CSMD1: variants seen among roughly 807,000 people sequenced by gnomAD.
CSMD1 encodes CUB and Sushi multiple domains 1.
A neutral mutation model predicts 417.5 loss-of-function variants in CSMD1; 213 were observed. The observed-to-expected ratio is 0.51, with a 90% CI of 0.46 to 0.57. The LOEUF (loss-of-function observed/expected upper bound fraction) is 0.57. Ranked by LOEUF, CSMD1 falls within the 20% of genes least tolerant of loss-of-function variation. The probability of loss-of-function intolerance (pLI) is 0.00; values close to 1 mark genes in which losing one functional copy is unlikely to be tolerated. For missense variants in CSMD1, 6,923 were observed against 4,529.7 expected, an observed-to-expected ratio of 1.53 and a Z score of -15.17; for synonymous variants, 2,862 against 1,736.8, an observed-to-expected ratio of 1.65 and a Z score of -16.11.
chr8:2,994,145 C>CAAAAAAAAAAA (rs35438493), intron 54 of CSMD1, among the ~76,000 whole-genome samples: 13 of 30,518 alleles, frequency 4.3e-4, no homozygotes, highest in African/African-American at 2.9e-3. Context: ...AACTCCATCT[C>CAAAAAAAAAAA]AAAAAAAAAA....
intron 1 of CSMD1, among the ~76,000 whole-genome samples, chr8:4,647,875 A>G (rs1045464070): frequency 6.6e-6 from 1 of 152,220 alleles, no homozygotes; most frequent in Non-Finnish European, 1.5e-5. Flanking sequence ...TGCAGTAGAC[A>G]TACATGTGCA....
At chr8:4,620,878 A>G (rs778250582) in intron 2 of CSMD1, among the ~76,000 whole-genome samples, 1 of 151,928 alleles carries the variant, frequency 6.6e-6, no homozygotes, top group African/African-American at 2.4e-5. Context: ...AAGAGTGAAA[A>G]TAAGAGAAAA....
At chr8:4,605,004 G>T (rs980049966) in intron 2 of CSMD1, among the ~76,000 whole-genome samples, 1 of 152,134 alleles carries the variant, frequency 6.6e-6, no homozygotes. Context: ...GTGCTGTCCA[G>T]AACATTAAAG....
intron 1 of CSMD1, among the ~76,000 whole-genome samples, chr8:4,840,549 C>T (rs1460288717): frequency 1.3e-5 from 2 of 152,148 alleles, no homozygotes; most frequent in Admixed American, 6.5e-5. Flanking sequence ...TCAAAATAAA[C>T]TTCCCAGAGA....
In CSMD1 at chr8:4,994,588, C is replaced by T. The variant is rs1811658453; in HGVS notation, c.-172G>A. On this transcript the variant is annotated 5_prime_UTR_variant, in exon 1 of 70. Transcript: ENST00000635120. The stretch of plus-strand genomic sequence containing the variant: ...AAGGTCTGGGCGCCCGGCTCGCTTC[C>T]CTCTCATAGCATCGGGTCCCGAGCC... 1.1e-5 allele frequency: 7 copies of T among 621,146 alleles called. No homozygotes were observed. The highest frequency in any genetic ancestry group is 1.8e-5 in the African/African-American group (1 of 54,688). 38.5% of individuals were successfully genotyped at this position (621,146 alleles called of 1,614,324 possible).
rs1796705119 is a variant in CSMD1 at position 4,154,079 on chromosome 8, A to G, written c.416-121980T>C. Among the ~76,000 whole-genome samples the G allele has an allele frequency of 3.9e-5, 6 of 152,342 alleles. No individual in the cohort carries two copies. In the South Asian group the frequency reaches 1.2e-3, roughly 32 times the overall value. ...AAGGAGGTAATAAATAAATTGGAAG[A>G]AACACTGAAAATACAGCAAAGAGTC... is the stretch of plus-strand genomic sequence containing the variant. On this transcript the variant is annotated intron_variant, in intron 3 of 69. Transcript: ENST00000635120.
intron 7 of CSMD1, among the ~76,000 whole-genome samples, chr8:3,656,040 G>T (rs911751742): frequency 3.9e-5 from 6 of 152,110 alleles, no homozygotes; most frequent in Admixed American, 3.9e-4. Flanking sequence ...CTCTCTGGGG[G>T]AAATAACATG....
intron 4 of CSMD1, among the ~76,000 whole-genome samples, chr8:4,001,360 G>C (rs533269947): frequency 6.6e-6 from 1 of 152,268 alleles, no homozygotes; most frequent in South Asian, 2.1e-4. Flanking sequence ...GCAGCCATTA[G>C]CCCCCTGGTT....
chr8:3,017,800 G>C (rs1451355967), intron 52 of CSMD1, among the ~76,000 whole-genome samples: 1 of 114,976 alleles, frequency 8.7e-6, no homozygotes, highest in East Asian at 2.9e-4. Flanking sequence ...ATGGCTTTGA[G>C]TGATTTAAAA....
chr8:4,313,457 T>C (rs754249805), intron 3 of CSMD1, among the ~76,000 whole-genome samples: 10 of 150,034 alleles, frequency 6.7e-5, no homozygotes, highest in Non-Finnish European at 1.5e-4. Flanking sequence ...TCTGAAAATG[T>C]TAGCAATGCA....
In CSMD1 at chr8:4,061,260, G is replaced by A. The variant is rs73500960; in HGVS notation, c.416-29161C>T. Among the ~76,000 whole-genome samples, 464 of 152,264 alleles carry A rather than the reference G, an allele frequency of 3.0e-3. 3 individuals are homozygous for A. The highest frequency in any genetic ancestry group is 0.011 in the African/African-American group (452 of 41,540). On this transcript the variant is annotated intron_variant, in intron 3 of 69. Transcript: ENST00000635120. Reference sequence around the variant, plus strand: ...GAGGAGCTGTTCTAAGTTAGACACAGGCATGGAATATTGACTTCACAGAGA... The same window carrying A: ...GAGGAGCTGTTCTAAGTTAGACACAAGCATGGAATATTGACTTCACAGAGA...
intron 6 of CSMD1, among the ~76,000 whole-genome samples, chr8:3,735,832 A>C (rs1481614555): frequency 6.6e-6 from 1 of 152,236 alleles, no homozygotes; most frequent in Non-Finnish European, 1.5e-5. Flanking sequence ...TCATTTTGAA[A>C]ATATGCATTG....
chr8:4,752,529 C>T (rs1392360551), intron 1 of CSMD1, among the ~76,000 whole-genome samples: 2 of 152,116 alleles, frequency 1.3e-5, no homozygotes, highest in African/African-American at 4.8e-5. Context: ...CTCTTTGAAA[C>T]TCAAAGTTAA....
At chr8:3,248,973 T>C (rs1193148703) in intron 26 of CSMD1, among the ~76,000 whole-genome samples, 2 of 152,122 alleles carry the variant, frequency 1.3e-5, no homozygotes, top group African/African-American at 4.8e-5. Context: ...GGTCTGCTTT[T>C]ACCTTCTCTA....
chr8:4,101,766 G>A (rs1214106000), intron 3 of CSMD1, among the ~76,000 whole-genome samples: 4 of 152,192 alleles, frequency 2.6e-5, no homozygotes, highest in African/African-American at 7.2e-5. Flanking sequence ...CTTTTGCTTA[G>A]GACAGCAAAT....
intron 2 of CSMD1, among the ~76,000 whole-genome samples, chr8:4,469,888 G>C (rs1449763313): frequency 6.7e-6 from 1 of 150,054 alleles, no homozygotes; most frequent in East Asian, 2.0e-4. Flanking sequence ...TTTTATTTGA[G>C]ACGGAGTGTC....
intron 2 of CSMD1, among the ~76,000 whole-genome samples, chr8:4,458,414 G>C (rs1367981098): frequency 1.3e-5 from 2 of 152,128 alleles, no homozygotes; most frequent in East Asian, 1.9e-4. Context: ...ATTATTGGCA[G>C]TGATTTTTAT....
chr8:3,928,497 AG>A (rs1809908996), intron 5 of CSMD1, among the ~76,000 whole-genome samples: 1 of 151,286 alleles, frequency 6.6e-6, no homozygotes, highest in Non-Finnish European at 1.5e-5. Flanking sequence ...TAAGTGGAAC[AG>A]GGGGCACTGC....
intron 3 of CSMD1, among the ~76,000 whole-genome samples, chr8:4,269,627 T>G (rs759547481): frequency 2.0e-5 from 3 of 152,186 alleles, no homozygotes; most frequent in African/African-American, 2.4e-5. Flanking sequence ...ATACGTATAT[T>G]GTAAATATCA....
Sources: allele counts gnomAD v4.1 joint callset (sites outside exome capture counted in the v4.1 genomes callset), GRCh38; gene constraint gnomAD v4.1.1; transcripts MANE v1.5; gene names NCBI Gene and HGNC (gene_info 2026-07-23, HGNC 2026-07-21).